AGBL4: variants seen among roughly 807,000 people sequenced by gnomAD.
AGBL4 encodes cytosolic carboxypeptidase 6.
A neutral mutation model predicts 66.4 loss-of-function variants in AGBL4; 58 were observed. The observed-to-expected ratio is 0.87, with a 90% confidence interval of 0.71 to 1.09. The LOEUF is 1.09. AGBL4 is among the 50% of genes least tolerant of loss of function. AGBL4 has a pLI of 0.00. For synonymous variants in AGBL4, 234 were observed against 222.9 expected (o/e 1.05, Z -0.44); for missense variants, 579 against 631.0 (o/e 0.92, Z 0.88).
intron 3 of AGBL4, among the ~76,000 whole-genome samples, chr1:49,480,354 T>C (rs1403975174): frequency 6.6e-6 from 1 of 152,100 alleles, no homozygotes; most frequent in South Asian, 2.1e-4. Context: ...TGGTATCTCA[T>C]TGTGGTTTTG....
intron 1 of AGBL4, among the ~76,000 whole-genome samples, chr1:49,957,444 T>A (rs967724233): frequency 3.3e-5 from 5 of 151,746 alleles, no homozygotes; most frequent in Admixed American, 2.6e-4. Context: ...GATCTGTCTG[T>A]TGTTGACAGT....
At chr1:49,322,943 T>C (rs1194310725) in intron 3 of AGBL4, among the ~76,000 whole-genome samples, 1 of 152,232 alleles carries the variant, frequency 6.6e-6, no homozygotes, top group African/African-American at 2.4e-5. Flanking sequence ...GGGAAACAAG[T>C]ATTTTTGTAA....
chr1:49,607,220 C>G (rs11576876), intron 3 of AGBL4, among the ~76,000 whole-genome samples: 441 of 152,148 alleles, frequency 2.9e-3, no homozygotes, highest in Non-Finnish European at 4.3e-3. Flanking sequence ...TCTGGCTGCC[C>G]CAACTTCTCC....
chr1:49,252,918 T>C (rs942036435), intron 3 of AGBL4, among the ~76,000 whole-genome samples: 7 of 152,028 alleles, frequency 4.6e-5, no homozygotes, highest in Non-Finnish European at 1.0e-4. Flanking sequence ...GCACTAAATA[T>C]GGAAAGAAAA....
chr1:48,981,650 C>T (rs772310702), intron 5 of AGBL4, among the ~76,000 whole-genome samples: 7 of 152,042 alleles, frequency 4.6e-5, no homozygotes, highest in African/African-American at 1.7e-4. Context: ...TTTGGGAGGC[C>T]GAGGCAGGTG....
chr1:48,965,291 T>C (rs1434905635), intron 5 of AGBL4, among the ~76,000 whole-genome samples: 3 of 152,038 alleles, frequency 2.0e-5, no homozygotes, highest in African/African-American at 7.2e-5. Flanking sequence ...ATTCTTTGGA[T>C]AGGGGAACAG....
intron 5 of AGBL4, among the ~76,000 whole-genome samples, chr1:48,978,743 C>T (rs1318242859): frequency 6.6e-6 from 1 of 152,104 alleles, no homozygotes; most frequent in Admixed American, 6.6e-5. Flanking sequence ...AATTTTGTTT[C>T]CCTGAATGAA....
At chr1:49,924,627 T>C (rs1030239567) in intron 1 of AGBL4, among the ~76,000 whole-genome samples, 4 of 152,168 alleles carry the variant, frequency 2.6e-5, no homozygotes, top group Non-Finnish European at 5.9e-5. Context: ...TTATAGTGCT[T>C]GCTATATGCC....
intron 1 of AGBL4, among the ~76,000 whole-genome samples, chr1:49,886,960 C>G (rs1193835119): frequency 6.6e-6 from 1 of 151,964 alleles, no homozygotes; most frequent in African/African-American, 2.4e-5. Context: ...TGTGGCCTAT[C>G]AAAGGAATTT....
chr1:49,217,756 T>C (rs1304406538), intron 4 of AGBL4, among the ~76,000 whole-genome samples: 6 of 152,146 alleles, frequency 3.9e-5, no homozygotes, highest in African/African-American at 1.4e-4. Flanking sequence ...ATTGATAGAA[T>C]CTTTTCTGAA....
intron 3 of AGBL4, among the ~76,000 whole-genome samples, chr1:49,439,541 T>C (rs1645978257): frequency 6.6e-6 from 1 of 152,180 alleles, no homozygotes; most frequent in Non-Finnish European, 1.5e-5. Flanking sequence ...TTGATTAGAT[T>C]GAAGGATGCG....
At chr1:49,922,126 GT>G (rs1652319235) in intron 1 of AGBL4, among the ~76,000 whole-genome samples, 1 of 152,110 alleles carries the variant, frequency 6.6e-6, no homozygotes, top group African/African-American at 2.4e-5. Flanking sequence ...TTGTGGTTTT[GT>G]TTTTGTTTAT....
intron 3 of AGBL4, among the ~76,000 whole-genome samples, chr1:49,408,909 T>A (rs1489940573): frequency 1.3e-5 from 2 of 152,212 alleles, no homozygotes; most frequent in Non-Finnish European, 2.9e-5. Flanking sequence ...TATATACATC[T>A]GTCCTATTAG....
intron 3 of AGBL4, among the ~76,000 whole-genome samples, chr1:49,290,791 A>G (rs1644518925): frequency 6.6e-6 from 1 of 152,160 alleles, no homozygotes; most frequent in African/African-American, 2.4e-5. Flanking sequence ...TGGGGCCAGG[A>G]TTTCAAGATC....
chr1:49,163,801 A>C (rs755340456), intron 4 of AGBL4, among the ~76,000 whole-genome samples: 1 of 152,156 alleles, frequency 6.6e-6, no homozygotes, highest in Non-Finnish European at 1.5e-5. Context: ...CATGATGGAG[A>C]GGGTAGAAGT....
intron 1 of AGBL4, among the ~76,000 whole-genome samples, chr1:49,996,855 A>G (rs1660403100): frequency 6.6e-6 from 1 of 152,214 alleles, no homozygotes; most frequent in South Asian, 2.1e-4. Flanking sequence ...TCAGATTAAT[A>G]GCAGATTTTT....
intron 3 of AGBL4, among the ~76,000 whole-genome samples, chr1:49,582,483 T>A (rs1328491445): frequency 1.3e-5 from 2 of 152,194 alleles, no homozygotes; most frequent in African/African-American, 4.8e-5. Context: ...TAAGAGCACC[T>A]GCCCAGCTCA....
intron 6 of AGBL4, among the ~76,000 whole-genome samples, chr1:48,790,550 G>C (rs1275050930): frequency 6.6e-6 from 1 of 152,136 alleles, no homozygotes; most frequent in Non-Finnish European, 1.5e-5. Flanking sequence ...TGTCATTCTA[G>C]AGATGATAAA....
chr1:49,882,033 A>C (rs1239087397), intron 1 of AGBL4, among the ~76,000 whole-genome samples: 3 of 152,110 alleles, frequency 2.0e-5, no homozygotes, highest in Non-Finnish European at 4.4e-5. Context: ...CTAACGTTTA[A>C]GTCTTTAATC....
Sources: allele counts gnomAD v4.1 joint callset (sites outside exome capture counted in the v4.1 genomes callset), GRCh38; gene constraint gnomAD v4.1.1; transcripts MANE v1.5; gene names NCBI Gene and HGNC (gene_info 2026-07-23, HGNC 2026-07-21).